ADAM11: variants seen among roughly 807,000 people sequenced by gnomAD.
ADAM11 encodes disintegrin and metalloproteinase domain-containing protein 11.
Under a neutral mutation model 119.1 loss-of-function variants are expected in ADAM11, and 49 were observed. The observed-to-expected ratio is 0.41, with a 90% CI of 0.33 to 0.52. The LOEUF is 0.52. ADAM11 is among the 20% of genes least tolerant of loss of function. The probability of loss-of-function intolerance (pLI) is 0.20; values close to 1 mark genes in which losing one functional copy is unlikely to be tolerated. For missense variants in ADAM11, 777 were observed against 1,047.5 expected, an observed-to-expected ratio of 0.74 and a Z score of 3.56; for synonymous variants, 364 against 408.0, an observed-to-expected ratio of 0.89 and a Z score of 1.30.
At position 44,777,356 on chromosome 17, in the gene ADAM11, C is replaced by T; in HGVS notation, c.1781+91C>T. 1 of 1,528,324 alleles carries T rather than the reference C, an allele frequency of 6.5e-7. No individual in the cohort carries two copies. The highest frequency in any genetic ancestry group is 9.0e-7 in the Non-Finnish European group (1 of 1,115,976). The allele number at this position is 1,528,324 out of a possible 1,614,324, so 94.7% of individuals were successfully genotyped here. A position where few individuals can be genotyped will look rare whatever the true frequency, so the allele number is the denominator to read the frequency against. On this transcript the variant is annotated intron_variant, in intron 21 of 26. Transcript: ENST00000200557. This position sits in a 1 kb window ranked among gnomAD's most constrained non-coding sequence, Gnocchi z 5.1. ...GGCAGCAGGTTCTCCCAGGAGGAGC[C>T]TGTCAGTCCCAATGGGCGGGCACGT... is the stretch of plus-strand genomic sequence containing the variant.
At position 44,780,123 on chromosome 17, in the gene ADAM11, A is replaced by G. The variant is rs1013260560; in HGVS notation, c.*369A>G. 1.6e-6 allele frequency: 1 copy of G among 610,104 alleles called. No individual in the cohort carries two copies. The highest frequency in any genetic ancestry group is 1.8e-5 in the African/African-American group (1 of 55,196). 37.8% of individuals were successfully genotyped at this position (610,104 alleles called of 1,614,324 possible). On this transcript the variant is annotated 3_prime_UTR_variant, in exon 27 of 27. Coordinates refer to ENST00000200557, the MANE Select transcript of ADAM11 (RefSeq NM_002390.6). The stretch of plus-strand genomic sequence containing the variant: ...CTAGCCTGGATGGCCCCTCCTTGCA[A>G]CCAGGCAGCTGAGACCAGGGTCTTA...
rs773584603 is a variant in ADAM11 at position 44,776,830 on chromosome 17, G to A, written c.1617+35G>A. The A allele has an allele frequency of 2.5e-6, 4 of 1,614,072 alleles. No homozygotes were observed. The South Asian group carries it at 4.4e-5, about 18-fold the overall frequency. ...CTGCCCCCTGAGCCTGGGATTCAGGGCAGTCTCTTGTCTCCACTCTGACCA... is the reference window on the plus strand; with the variant it reads ...CTGCCCCCTGAGCCTGGGATTCAGGACAGTCTCTTGTCTCCACTCTGACCA... On this transcript the variant is annotated intron_variant, in intron 19 of 26. Coordinates refer to ENST00000200557, the MANE Select transcript of ADAM11 (RefSeq NM_002390.6). This position sits in a 1 kb window ranked among gnomAD's most constrained non-coding sequence, Gnocchi z 5.2.
At position 44,778,156 on chromosome 17, in the gene ADAM11, C is replaced by T. The variant is rs1339997168; in HGVS notation, c.2190C>T (p.Pro730=). ...PTGETERYKG[P]SGTNIIIGSI... ...AAGCCCTGCCATCCTCCCCAGGTCC[C>T]AGCGGCACCAACATCATCATTGGCT... The change falls in exon 25 of 27, where the codon CCC becomes CCT. Residue 730 remains proline (P), a synonymous_variant. Coordinates refer to ENST00000200557, the MANE Select transcript of ADAM11 (RefSeq NM_002390.6). The T allele has an allele frequency of 6.2e-7, 1 of 1,613,690 alleles. No homozygotes were observed. The highest frequency in any genetic ancestry group is 1.7e-5 in the Admixed American group (1 of 59,942).
At chr17:44,759,979 G>A (rs983572072) in intron 2 of ADAM11, 82 bp downstream of exon 2, 17 of 1,215,270 alleles carry the variant, frequency 1.4e-5, no homozygotes, top group Non-Finnish European at 1.7e-5. Context: ...CAGGGTTGGA[G>A]TCCCCCTCAG....
In ADAM11 at chr17:44,776,936, G is replaced by A. The variant is rs775114514; in HGVS notation, c.1655G>A (p.Arg552Gln). The change falls in exon 20 of 27, where the codon CGG (arginine) becomes CAG (glutamine). Residue 552 changes from arginine (R) to glutamine (Q), a missense_variant. Physicochemically the swap from Arg to Gln is conservative, Grantham distance 43. Around this residue, in one of 4 missense-constraint regions of ADAM11, gnomAD observed 348 missense variants for 486.7 expected, o/e 0.72. Transcript: ENST00000200557. This position sits in a 1 kb window ranked among gnomAD's most constrained non-coding sequence, Gnocchi z 5.2. ...GGAGGTCGCTGCAAAACCCGGGACC[G>A]GCAGTGCCAGGTTCTTTGGGGCCAT... Reference protein sequence around the residue: ...CYGGRCKTRDRQCQVLWGHAA... With the variant: ...CYGGRCKTRDQQCQVLWGHAA... 4.3e-5 allele frequency: 69 copies of A among 1,612,858 alleles called. No individual in the cohort carries two copies. The highest frequency in any genetic ancestry group is 5.5e-5 in the South Asian group (5 of 91,064).
intron 25 of ADAM11, 114 bp downstream of exon 25, chr17:44,778,356 G>A (rs1286226539): frequency 3.7e-5 from 40 of 1,079,180 alleles, no homozygotes; most frequent in South Asian, 1.1e-4. Context: ...GAGCTCACAC[G>A]TCATAGGTCC....
At position 44,759,743 on chromosome 17, in the gene ADAM11, C is replaced by T; in HGVS notation, c.83C>T (p.Ala28Val). The T allele has an allele frequency of 7.5e-7, 1 of 1,326,098 alleles. No homozygotes were observed. 82.1% of individuals were successfully genotyped at this position (1,326,098 alleles called of 1,614,324 possible). ...PTPGLGTQGP[A>V]GALRWGGLPQ... ...CCAGGTCTTGGGACCCAAGGTCCTGCTGGAGCTCTGCGATGGGGGGGCTTA... is the reference window on the plus strand; with the variant it reads ...CCAGGTCTTGGGACCCAAGGTCCTGTTGGAGCTCTGCGATGGGGGGGCTTA... The change falls in exon 2 of 27, where the codon GCT (alanine) becomes GTT (valine). Residue 28 changes from alanine (A) to valine (V), a missense_variant. This residue lies in a region of ADAM11 where 278 missense variants were observed against 310.1 expected (regional missense o/e 0.90). Coordinates refer to ENST00000200557, the MANE Select transcript of ADAM11 (RefSeq NM_002390.6).
At position 44,779,701 on chromosome 17, in the gene ADAM11, T is replaced by G. The variant is rs376796347; in HGVS notation, c.2295-38T>G. On this transcript the variant is annotated intron_variant, in intron 26 of 26. Transcript: ENST00000200557. Reference sequence around the variant, plus strand: ...GCTGGGGGGCTCTCCCCGTGGCCCCTGCTCACGTCCTCCCCTGATGCCCCC... The same window carrying G: ...GCTGGGGGGCTCTCCCCGTGGCCCCGGCTCACGTCCTCCCCTGATGCCCCC... 2.2e-5 allele frequency: 35 copies of G among 1,576,940 alleles called. No homozygotes were observed. The African/African-American group carries it at 4.1e-4, about 19-fold the overall frequency.
Position 44,759,708 on chromosome 17 carries a change from C to T in ADAM11, c.62-14C>T. 6.1e-6 allele frequency: 8 copies of T among 1,318,506 alleles called. No homozygotes were observed. Among genetic ancestry groups the T allele is most frequent in the Non-Finnish European group, 7.8e-6 (8 of 1,025,724 alleles). 81.7% of individuals were successfully genotyped at this position (1,318,506 alleles called of 1,614,324 possible). A position where few individuals can be genotyped will look rare whatever the true frequency, so the allele number is the denominator to read the frequency against. ...GGTGGGCAGCTGCCTGCAGCCATGG[C>T]CTTGTTTCCCCAGGTCTTGGGACCC... On this transcript the variant is annotated splice_polypyrimidine_tract_variant and intron_variant, in intron 1 of 26. Transcript: ENST00000200557.
intron 2 of ADAM11, among the ~76,000 whole-genome samples, chr17:44,765,183 A>G (rs1316998585): frequency 7.6e-6 from 1 of 131,510 alleles, no homozygotes; most frequent in Non-Finnish European, 1.6e-5. Context: ...GGAGCACCCA[A>G]CACATTGCCG....
rs2049675133 is a variant in ADAM11 at position 44,780,271 on chromosome 17, A to G, written c.*517A>G. The G allele has an allele frequency of 4.8e-6, 2 of 416,544 alleles. No homozygotes were observed. Among genetic ancestry groups the G allele is most frequent in the Non-Finnish European group, 9.3e-6 (2 of 213,992 alleles). 25.8% of individuals were successfully genotyped at this position (416,544 alleles called of 1,614,324 possible). On this transcript the variant is annotated 3_prime_UTR_variant, in exon 27 of 27. Coordinates refer to ENST00000200557, the MANE Select transcript of ADAM11 (RefSeq NM_002390.6). ...GATGTGGGGATGTTTTGACATTTAC[A>G]GGAGGGCCCGGAGAAACTGAGGTAT...
At position 44,776,681 on chromosome 17, in the gene ADAM11, C is replaced by G; in HGVS notation, c.1567-64C>G. On this transcript the variant is annotated intron_variant, in intron 18 of 26. Transcript: ENST00000200557. This position sits in a 1 kb window ranked among gnomAD's most constrained non-coding sequence, Gnocchi z 5.2. The stretch of plus-strand genomic sequence containing the variant: ...GGCACTTGGTACCCCAGCATTCCTC[C>G]CTGGGGCAGCCCTCAGCTCCAGTCC... 1.3e-6 allele frequency: 2 copies of G among 1,586,168 alleles called. No individual in the cohort carries two copies. Among genetic ancestry groups the G allele is most frequent in the Non-Finnish European group, 1.7e-6 (2 of 1,159,710 alleles).
In ADAM11 at chr17:44,775,777, G is replaced by A; in HGVS notation, c.1485+101G>A. ...CTAGGGAGGGAAGCGGAGCCTTCGG[G>A]GACGAAGGCCTCTGGGGCAGGGCTT... On this transcript the variant is annotated intron_variant, in intron 17 of 26. Transcript: ENST00000200557. The surrounding 1 kb of genome is among the most constrained non-coding windows in gnomAD (Gnocchi z 7.5). 2 of 1,237,250 alleles carry A rather than the reference G, an allele frequency of 1.6e-6. No homozygotes were observed. Among genetic ancestry groups the A allele is most frequent in the Non-Finnish European group, 2.2e-6 (2 of 898,288 alleles). The allele number at this position is 1,237,250 out of a possible 1,614,324, so 76.6% of individuals were successfully genotyped here.
In ADAM11 at chr17:44,779,955, T is replaced by G; in HGVS notation, c.*201T>G. On this transcript the variant is annotated 3_prime_UTR_variant, in exon 27 of 27. Transcript: ENST00000200557. ...AGGGTGGACCAGGCCTGGAGGGCACTTCCTCCACAGTCCCCCACCCACCTC... is the reference window on the plus strand; with the variant it reads ...AGGGTGGACCAGGCCTGGAGGGCACGTCCTCCACAGTCCCCCACCCACCTC... 1.3e-6 allele frequency: 1 copy of G among 769,812 alleles called. No individual in the cohort carries two copies. Among genetic ancestry groups the G allele is most frequent in the Non-Finnish European group, 2.2e-6 (1 of 447,004 alleles). 47.7% of individuals were successfully genotyped at this position (769,812 alleles called of 1,614,324 possible).
intron 2 of ADAM11, among the ~76,000 whole-genome samples, chr17:44,764,963 G>A (rs1236426017): frequency 2.6e-5 from 4 of 152,058 alleles, no homozygotes; most frequent in African/African-American, 9.7e-5. Context: ...GAAACCACAT[G>A]AGCAGGACTC....
At chr17:44,769,192 G>A (rs569239496) in intron 2 of ADAM11, among the ~76,000 whole-genome samples, 2 of 152,204 alleles carry the variant, frequency 1.3e-5, no homozygotes, top group Non-Finnish European at 2.9e-5. Context: ...CAGTTTCCAG[G>A]GGCCTAGCCA....
intron 4 of ADAM11, among the ~76,000 whole-genome samples, chr17:44,770,495 C>T (rs1048769343): frequency 1.7e-5 from 2 of 120,676 alleles, no homozygotes; most frequent in East Asian, 2.0e-4. Context: ...GTCTCCCCCC[C>T]CCCCGCCCCC....
rs375935317 is a variant in ADAM11 at position 44,775,330 on chromosome 17, G to A, written c.1320+19G>A. 1.2e-5 allele frequency: 20 copies of A among 1,613,476 alleles called. No homozygotes were observed. The highest frequency in any genetic ancestry group is 1.4e-5 in the Non-Finnish European group (16 of 1,179,936). ...CCTCAAGGTACCAGCCCCGCGGCGG[G>A]GAGCATGGGAGCGGGCCCTGGGCGG... is the stretch of plus-strand genomic sequence containing the variant. On this transcript the variant is annotated intron_variant, in intron 15 of 26. Transcript: ENST00000200557. The surrounding 1 kb of genome is among the most constrained non-coding windows in gnomAD (Gnocchi z 7.5).
intron 11 of ADAM11, 55 bp from the exon 12 acceptor site, chr17:44,774,240 C>G: frequency 8.1e-7 from 1 of 1,233,932 alleles, no homozygotes; most frequent in East Asian, 2.7e-5. Flanking sequence ...CCACCACCAC[C>G]CGGGGAGCCA....
Sources: gnomAD v4.1 joint callset for allele counts (sites outside exome capture counted in the v4.1 genomes callset) on GRCh38, gnomAD v4.1.1 for gene constraint, gnomAD v4.1.1 regional missense constraint, Gnocchi (gnomAD v3.1) non-coding constraint, MANE v1.5 for transcripts, NCBI Gene and HGNC (gene_info 2026-07-23, HGNC 2026-07-21) for gene names.